The following VAV2 variants were observed in gnomAD, a reference collection of about 807,000 sequenced individuals.
The protein encoded by VAV2 is vav guanine nucleotide exchange factor 2, also known as guanine nucleotide exchange factor VAV2.
VAV2 carries 67 observed loss-of-function variants against 132.5 expected under a neutral mutation model. The ratio of observed to expected loss-of-function variants is 0.51; its 90% confidence interval spans 0.42 to 0.62. VAV2 has a LOEUF of 0.62. Ranked by LOEUF, VAV2 falls within the 20% of genes least tolerant of loss-of-function variation. The pLI, the probability that VAV2 is intolerant of heterozygous loss-of-function variation, is 0.00. For missense variants in VAV2, 938 were observed against 1,153.6 expected, an observed-to-expected ratio of 0.81 and a Z score of 2.71; for synonymous variants, 492 against 443.5, an observed-to-expected ratio of 1.11 and a Z score of -1.37.
intron 2 of VAV2, among the ~76,000 whole-genome samples, chr9:133,886,045 G>A (rs1223004967): frequency 6.6e-6 from 1 of 152,222 alleles, no homozygotes; most frequent in Non-Finnish European, 1.5e-5. Flanking sequence ...ACAGCTGGGG[G>A]GCGGGAAGGC....
chr9:133,788,646 G>C lies in VAV2; in HGVS notation c.1275-160C>G, dbSNP rs998082794. ...CAGGCTAATGCTGAGCCTCGGTCAG[G>C]TCTCGGCTGTTCCCACACTGCTTCT... On this transcript the variant is annotated intron_variant, in intron 14 of 29. Coordinates refer to ENST00000371850, the MANE Select transcript of VAV2 (RefSeq NM_001134398.2). This position sits in a 1 kb window ranked among gnomAD's most constrained non-coding sequence, Gnocchi z 5.3. Among the ~76,000 whole-genome samples the C allele has an allele frequency of 6.6e-6, 1 of 152,148 alleles. No individual in the cohort carries two copies. Among genetic ancestry groups the C allele is most frequent in the Non-Finnish European group, 1.5e-5 (1 of 68,012 alleles).
intron 3 of VAV2, among the ~76,000 whole-genome samples, chr9:133,848,330 A>G (rs1837031010): frequency 1.3e-5 from 2 of 151,770 alleles, no homozygotes; most frequent in Admixed American, 6.6e-5. Context: ...ATGAAACGAA[A>G]CAGTATTTGA....
intron 2 of VAV2, among the ~76,000 whole-genome samples, chr9:133,924,744 G>C (rs1437206091): frequency 6.6e-6 from 1 of 152,186 alleles, no homozygotes; most frequent in Non-Finnish European, 1.5e-5. Context: ...TGGAAGGGAG[G>C]GGGCCTATGG....
At chr9:133,931,939 G>A (rs1840703268) in intron 2 of VAV2, among the ~76,000 whole-genome samples, 1 of 152,162 alleles carries the variant, frequency 6.6e-6, no homozygotes, top group Non-Finnish European at 1.5e-5. Flanking sequence ...CGACACCACG[G>A]CACATGGTAA....
At chr9:133,779,227 G>A (rs143184220) in intron 21 of VAV2, among the ~76,000 whole-genome samples, 139 of 152,352 alleles carry the variant, frequency 9.1e-4, no homozygotes, top group African/African-American at 3.2e-3. Context: ...AGAGACGGGC[G>A]ACGGGTCAGC....
Position 133,775,999 on chromosome 9 carries a change from CCCATGTCTGCAGCCCACGAT to C in VAV2, c.2018+9_2018+28del. 1 of 1,586,942 alleles carries C rather than the reference CCCATGTCTGCAGCCCACGAT, an allele frequency of 6.3e-7. No individual in the cohort carries two copies. Among genetic ancestry groups the C allele is most frequent in the Non-Finnish European group, 8.6e-7 (1 of 1,162,212 alleles). On this transcript the variant is annotated intron_variant, in intron 24 of 29. Transcript: ENST00000371850. ...CCCATAACAAAGAGGCCACCAGATG[CCCATGTCTGCAGCCCACGAT>C]CCACTCACCAGGGGTATGCAGTGTA...
chr9:133,789,880 C>A (rs912719704), intron 13 of VAV2, among the ~76,000 whole-genome samples: 2 of 152,248 alleles, frequency 1.3e-5, no homozygotes, highest in African/African-American at 4.8e-5. Context: ...TTGACATGTT[C>A]CCTGCGTGGC....
intron 10 of VAV2, 21 bp from the exon 11 acceptor site, chr9:133,796,545 T>C (rs1834722584): frequency 1.2e-6 from 2 of 1,607,862 alleles, no homozygotes; most frequent in East Asian, 4.5e-5. Context: ...GACAGGGCGA[T>C]GGGAGAGCCC....
rs115997557 is a variant in VAV2, at chr9:133,940,517, C to T, written c.205-1298G>A. On this transcript the variant is annotated intron_variant, in intron 1 of 29. Transcript: ENST00000371850. ...CGGAGGGTCCCCCAGCCAGGACATA[C>T]GCCCCTGCTGACCCCTCACCCTGCC... Among the ~76,000 whole-genome samples, 1,049 of 152,248 alleles carry T rather than the reference C, an allele frequency of 6.9e-3. 15 individuals carry two copies. The highest frequency in any genetic ancestry group is 0.024 in the African/African-American group (978 of 41,542).
intron 2 of VAV2, among the ~76,000 whole-genome samples, chr9:133,871,265 T>C (rs1416636898): frequency 1.4e-5 from 2 of 147,824 alleles, no homozygotes; most frequent in Non-Finnish European, 3.0e-5. Context: ...GACAGATGGA[T>C]AGATAAGTGA....
intron 9 of VAV2, among the ~76,000 whole-genome samples, chr9:133,801,221 C>G (rs940829984): frequency 5.3e-5 from 8 of 152,338 alleles, no homozygotes; most frequent in African/African-American, 1.9e-4. Context: ...GCACTTGAAG[C>G]AAACAGGAGA....
intron 1 of VAV2, among the ~76,000 whole-genome samples, chr9:133,941,607 TTGG>T (rs1331399983): frequency 1.1e-4 from 1 of 9,362 alleles, no homozygotes; most frequent in Non-Finnish European, 3.7e-4. Context: ...CCACTTTTTT[TTGG>T]GGGGGGGGGG....
At chr9:133,886,346 C>A (rs147655318) in intron 2 of VAV2, among the ~76,000 whole-genome samples, 1 of 152,202 alleles carries the variant, frequency 6.6e-6, no homozygotes, top group African/African-American at 2.4e-5. Flanking sequence ...GAGCCTACCG[C>A]GTGCCTAACC....
In VAV2 at chr9:133,762,790, C is replaced by T. The variant is rs964609940; in HGVS notation, c.*1272G>A. The T allele has an allele frequency of 6.5e-6, 1 of 153,000 alleles. No individual in the cohort carries two copies. The highest frequency in any genetic ancestry group is 2.4e-5 in the African/African-American group (1 of 41,466). 9.5% of individuals were successfully genotyped at this position (153,000 alleles called of 1,614,324 possible). A position where few individuals can be genotyped will look rare whatever the true frequency, so the allele number is the denominator to read the frequency against. ...GCCACCCACAGCAGGGACCAGCTTC[C>T]CCCACACCCAGCCTGGGCCGGGCAC... is the stretch of plus-strand genomic sequence containing the variant. On this transcript the variant is annotated 3_prime_UTR_variant, in exon 30 of 30. Coordinates refer to ENST00000371850, the MANE Select transcript of VAV2 (RefSeq NM_001134398.2). The surrounding 1 kb of genome is among the most constrained non-coding windows in gnomAD (Gnocchi z 5.0).
intron 25 of VAV2, among the ~76,000 whole-genome samples, chr9:133,772,916 G>A (rs1030846112): frequency 2.1e-5 from 2 of 95,012 alleles, no homozygotes; most frequent in African/African-American, 7.0e-5. Flanking sequence ...CTGGACGGCA[G>A]AGCCTACCAC....
At chr9:133,870,621 G>A (rs994353102) in intron 2 of VAV2, among the ~76,000 whole-genome samples, 6 of 152,062 alleles carry the variant, frequency 3.9e-5, no homozygotes, top group African/African-American at 1.4e-4. Context: ...CCAGCAGCCC[G>A]AATCTTTGTG....
intron 3 of VAV2, among the ~76,000 whole-genome samples, chr9:133,853,068 C>G (rs1437796849): frequency 6.6e-6 from 1 of 152,226 alleles, no homozygotes; most frequent in African/African-American, 2.4e-5. Flanking sequence ...GGTGGCAAGA[C>G]TGGATTCCAG....
At chr9:133,861,132 G>C (rs891274462) in intron 3 of VAV2, 3 of 459,340 alleles carry the variant, frequency 6.5e-6, no homozygotes. Flanking sequence ...TACCTAAATC[G>C]AAAGAGATTT....
intron 1 of VAV2, 78 bp from the exon 2 acceptor site, chr9:133,939,297 G>A: frequency 7.8e-7 from 1 of 1,288,262 alleles, no homozygotes; most frequent in Non-Finnish European, 1.1e-6. Flanking sequence ...AACAGCAACA[G>A]CAGCAAGCTC....
Sources: gnomAD v4.1 joint callset for allele counts (sites outside exome capture counted in the v4.1 genomes callset) on GRCh38, gnomAD v4.1.1 for gene constraint, Gnocchi (gnomAD v3.1) non-coding constraint, MANE v1.5 for transcripts, NCBI Gene and HGNC (gene_info 2026-07-23, HGNC 2026-07-21) for gene names.